The following PARD3 variants were observed in gnomAD, a reference collection of about 807,000 sequenced individuals.
The protein encoded by PARD3 is par-3 family cell polarity regulator, also known as partitioning defective 3 homolog.
A neutral mutation model predicts 155.4 loss-of-function variants in PARD3; 75 were observed. The ratio of observed to expected loss-of-function variants is 0.48; its 90% CI spans 0.40 to 0.58. The LOEUF is 0.58. PARD3 is among the 20% of genes least tolerant of loss of function. The probability of loss-of-function intolerance (pLI) is 0.00; values close to 1 mark genes in which losing one functional copy is unlikely to be tolerated. For missense variants in PARD3, 1,642 were observed against 1,721.7 expected (o/e 0.95, Z 0.82); for synonymous variants, 576 against 610.5 (o/e 0.94, Z 0.83).
intron 14 of PARD3, among the ~76,000 whole-genome samples, chr10:34,352,690 C>G (rs867973889): frequency 2.0e-5 from 3 of 152,220 alleles, no homozygotes; most frequent in Admixed American, 2.0e-4. Flanking sequence ...GATCTCAGCT[C>G]GCTACAATCT....
intron 1 of PARD3, among the ~76,000 whole-genome samples, chr10:34,725,971 T>C (rs1475838183): frequency 1.3e-5 from 2 of 152,226 alleles, no homozygotes; most frequent in Non-Finnish European, 2.9e-5. Context: ...TATCTAAGCA[T>C]ACATGTCTTT....
intron 22 of PARD3, among the ~76,000 whole-genome samples, chr10:34,218,306 G>A (rs909359577): frequency 5.9e-5 from 9 of 152,184 alleles, no homozygotes; most frequent in African/African-American, 2.2e-4. Flanking sequence ...TTGGTGCTCT[G>A]TCATTGTTTG....
chr10:34,623,086 G>C (rs548671299), intron 2 of PARD3, among the ~76,000 whole-genome samples: 102 of 152,176 alleles, frequency 6.7e-4, no homozygotes, highest in Non-Finnish European at 1.3e-3. Context: ...AGTAAGAAAA[G>C]TGATGAAATT....
chr10:34,111,600 A>G, intron 24 of PARD3, 38 bp from the exon 25 acceptor site: 1 of 1,540,006 alleles, frequency 6.5e-7, no homozygotes, highest in South Asian at 1.2e-5. Flanking sequence ...TGAGGGTAGG[A>G]AGAAGGAGGG....
Position 34,815,095 on chromosome 10 carries a change from C to T in PARD3, c.-100G>A, listed in dbSNP as rs2134465768. ...CTGGGCGCGGAGGAGCCGCTGGGGA[C>T]TCGGGCGCGCGGGCGGCTAGGGGCG... On this transcript the variant is annotated 5_prime_UTR_variant, in exon 1 of 25. Transcript: ENST00000374788. 1 of 785,292 alleles carries T rather than the reference C, an allele frequency of 1.3e-6. No individual in the cohort carries two copies. Among genetic ancestry groups the T allele is most frequent in the Non-Finnish European group, 1.6e-6 (1 of 627,668 alleles). The allele number at this position is 785,292 out of a possible 1,614,324, so 48.6% of individuals were successfully genotyped here.
At position 34,658,145 on chromosome 10, in the gene PARD3, C is replaced by CA. The variant is rs1165780902; in HGVS notation, c.222+38172dup. 4.8e-3 allele frequency among the ~76,000 whole-genome samples: 484 copies of CA among 101,624 alleles called. 5 individuals are homozygous for CA. In the East Asian group the frequency reaches 0.059, roughly 12 times the overall value. The allele number at this position is 101,624 out of a possible 152,430, so 66.7% of individuals were successfully genotyped here. ...TGGGCGACAGATCAAGACTCCGTCT[C>CA]AAAAAAAAAAAAAAGAATCCACAAC... On this transcript the variant is annotated intron_variant, in intron 2 of 24. Coordinates refer to ENST00000374788, the MANE Select transcript of PARD3 (RefSeq NM_001184785.2).
chr10:34,304,456 TCCAAGCTAGTAACA>T (rs1589118448), intron 20 of PARD3, among the ~76,000 whole-genome samples: 3 of 152,188 alleles, frequency 2.0e-5, no homozygotes, highest in Non-Finnish European at 4.4e-5. Flanking sequence ...CTTCTGCATT[TCCAAGCTAGTAACA>T]TGTGAGTGCT....
intron 7 of PARD3, among the ~76,000 whole-genome samples, chr10:34,392,523 C>T (rs1210038410): frequency 2.6e-5 from 4 of 152,184 alleles, no homozygotes; most frequent in Non-Finnish European, 5.9e-5. Context: ...GCCAGACCCA[C>T]ACCCAGAGTC....
chr10:34,171,008 T>G (rs1949761152), intron 22 of PARD3, among the ~76,000 whole-genome samples: 1 of 152,164 alleles, frequency 6.6e-6, no homozygotes, highest in South Asian at 2.1e-4. Flanking sequence ...CTCACTAAAT[T>G]TAGGGATAGA....
At chr10:34,672,490 A>G (rs1365903237) in intron 2 of PARD3, among the ~76,000 whole-genome samples, 5 of 152,168 alleles carry the variant, frequency 3.3e-5, no homozygotes, top group African/African-American at 9.7e-5. Flanking sequence ...CGTGTTTCCT[A>G]ACTTTAACTG....
intron 1 of PARD3, among the ~76,000 whole-genome samples, chr10:34,754,503 G>A (rs1228610746): frequency 6.6e-6 from 1 of 152,118 alleles, no homozygotes; most frequent in East Asian, 1.9e-4. Context: ...TACCTATCGT[G>A]TACACACCCA....
intron 1 of PARD3, among the ~76,000 whole-genome samples, chr10:34,782,224 A>G (rs563993374): frequency 1.3e-5 from 2 of 152,356 alleles, no homozygotes; most frequent in African/African-American, 4.8e-5. Flanking sequence ...TAACCTGAAC[A>G]CATTGCAGTC....
At chr10:34,649,045 G>T (rs1360133744) in intron 2 of PARD3, among the ~76,000 whole-genome samples, 1 of 152,130 alleles carries the variant, frequency 6.6e-6, no homozygotes, top group African/African-American at 2.4e-5. Flanking sequence ...TGGATTTATA[G>T]CCCCAAAAGT....
chr10:34,372,382 T>C (rs1840775133), intron 12 of PARD3, 116 bp downstream of exon 12: 2 of 812,670 alleles, frequency 2.5e-6, no homozygotes, highest in South Asian at 1.5e-5. Flanking sequence ...AACCCATGTA[T>C]TAAATATTAC....
chr10:34,606,156 A>ATGTATGTG (rs2090403948), intron 2 of PARD3, among the ~76,000 whole-genome samples: 1 of 126,500 alleles, frequency 7.9e-6, no homozygotes, highest in Non-Finnish European at 1.7e-5. Context: ...ATAAAGGGAA[A>ATGTATGTG]TGTGTGTGTG....
At chr10:34,420,686 A>G (rs1279343551) in intron 5 of PARD3, among the ~76,000 whole-genome samples, 1 of 152,206 alleles carries the variant, frequency 6.6e-6, no homozygotes, top group Non-Finnish European at 1.5e-5. Flanking sequence ...TCTTGTAGAA[A>G]TTAATAAAAA....
chr10:34,422,252 T>C (rs1444729846), intron 5 of PARD3, among the ~76,000 whole-genome samples: 2 of 152,310 alleles, frequency 1.3e-5, no homozygotes, highest in Non-Finnish European at 2.9e-5. Flanking sequence ...ATGGCATTCA[T>C]AACTCAGGTT....
chr10:34,631,723 G>T (rs1554793103), intron 2 of PARD3, among the ~76,000 whole-genome samples: 1 of 152,162 alleles, frequency 6.6e-6, no homozygotes, highest in Non-Finnish European at 1.5e-5. Context: ...CCAACCTCCT[G>T]AGTAGCTGAG....
chr10:34,529,009 G>T (rs1234640337), intron 2 of PARD3, among the ~76,000 whole-genome samples: 1 of 152,164 alleles, frequency 6.6e-6, no homozygotes, highest in East Asian at 1.9e-4. Flanking sequence ...TTTGTCATTT[G>T]GGTGGTTGGG....
Sources: allele counts gnomAD v4.1 joint callset (sites outside exome capture counted in the v4.1 genomes callset), GRCh38; gene constraint gnomAD v4.1.1; transcripts MANE v1.5; gene names NCBI Gene and HGNC (gene_info 2026-07-23, HGNC 2026-07-21).